Variants in BARX2 observed in about 807,000 individuals in gnomAD.
BARX2 encodes the protein homeobox protein BarH-like 2.
In BARX2, 11 loss-of-function variants were observed where a neutral mutation model predicts 25.5. The ratio of observed to expected loss-of-function variants is 0.43; its 90% CI spans 0.27 to 0.71. The LOEUF is 0.71. BARX2 is among the 30% of genes least tolerant of loss of function. The pLI is 0.19. For synonymous variants in BARX2, 137 were observed against 149.5 expected (o/e 0.92, Z 0.61); for missense variants, 360 against 359.9 (o/e 1.00, Z 0.00).
At chr11:129,375,361 G>A (rs892755996), upstream of BARX2, among the ~76,000 whole-genome samples, 9 of 152,202 alleles carry the variant, frequency 5.9e-5, no homozygotes, top group Non-Finnish European at 1.3e-4. The surrounding 1 kb of genome is among the most constrained non-coding windows in gnomAD (Gnocchi z 4.0). Flanking sequence ...GAAGTCCCGG[G>A]AGCCTAGTGA....
chr11:129,434,485 G>C (rs1862167183), intron 1 of BARX2, among the ~76,000 whole-genome samples: 1 of 139,018 alleles, frequency 7.2e-6, no homozygotes, highest in African/African-American at 2.7e-5. Context: ...GGCTGGTCTT[G>C]AACTGCTGGC....
At chr11:129,383,207 G>A (rs1861586016) in intron 1 of BARX2, among the ~76,000 whole-genome samples, 1 of 152,138 alleles carries the variant, frequency 6.6e-6, no homozygotes, top group South Asian at 2.1e-4. Flanking sequence ...GTAACAGTTA[G>A]AAGAAGGAAA....
At chr11:129,422,307 C>A (rs1335768169) in intron 1 of BARX2, among the ~76,000 whole-genome samples, 1 of 152,042 alleles carries the variant, frequency 6.6e-6, no homozygotes, top group African/African-American at 2.4e-5. Context: ...CTTCCTTTTC[C>A]TTTTTTTAGA....
At chr11:129,387,078 A>T (rs963125813) in intron 1 of BARX2, among the ~76,000 whole-genome samples, 4 of 152,204 alleles carry the variant, frequency 2.6e-5, no homozygotes, top group African/African-American at 9.7e-5. Context: ...GGGTTACGGG[A>T]CAAAGTCCTT....
chr11:129,376,255 C>A lies in BARX2; in HGVS notation c.187+33C>A. ...GCTCCGCTAGGGGATAAGTGGGGTT[C>A]GGTAGCTTTCACGTCCGTGTAGGTG... On this transcript the variant is annotated intron_variant, in intron 1 of 3. Transcript: ENST00000281437. This position sits in a 1 kb window ranked among gnomAD's most constrained non-coding sequence, Gnocchi z 4.2. The A allele has an allele frequency of 6.4e-7, 1 of 1,566,954 alleles. No individual in the cohort carries two copies. The highest frequency in any genetic ancestry group is 1.2e-5 in the South Asian group (1 of 86,428).
chr11:129,426,712 C>G (rs1289721719), intron 1 of BARX2, among the ~76,000 whole-genome samples: 1 of 152,150 alleles, frequency 6.6e-6, no homozygotes, highest in East Asian at 1.9e-4. Flanking sequence ...GGCTTTGGTT[C>G]TGTCTTGTGA....
chr11:129,399,973 G>A (rs1472243756), intron 1 of BARX2, among the ~76,000 whole-genome samples: 1 of 152,128 alleles, frequency 6.6e-6, no homozygotes, highest in Non-Finnish European at 1.5e-5. Context: ...TCTGAGCCCT[G>A]CCTCTGGCCT....
chr11:129,388,845 T>C (rs1861640610), intron 1 of BARX2, among the ~76,000 whole-genome samples: 1 of 152,230 alleles, frequency 6.6e-6, no homozygotes, highest in Non-Finnish European at 1.5e-5. Context: ...AGTGGAGTAA[T>C]CCTACTGTTG....
rs769372208 is a variant in BARX2, at chr11:129,376,204, C to T, written c.169C>T (p.Pro57Ser). 3.1e-6 allele frequency: 5 copies of T among 1,607,586 alleles called. No individual in the cohort carries two copies. In the African/African-American group the frequency reaches 6.7e-5, roughly 22 times the overall value. ...CCCGTCGCTGGTCGTGCGACCCAAG[C>T]CCCTGCATTCCTGTACGGGTAAGAC... ...VCPSLVVRPK[P>S]LHSCTGSPSL... Residue 57 changes from proline (P) to serine (S), a missense_variant, in exon 1 of 4, where the codon CCC (proline) becomes TCC (serine). Physicochemically the swap from Pro to Ser is moderately conservative, Grantham distance 74 (BLOSUM62 -1). Transcript: ENST00000281437. The surrounding 1 kb of genome is among the most constrained non-coding windows in gnomAD (Gnocchi z 4.2).
chr11:129,437,496 G>T (rs1051461589), intron 2 of BARX2: 18 of 988,588 alleles, frequency 1.8e-5, no homozygotes, highest in Non-Finnish European at 2.0e-5. Flanking sequence ...TTGCTGGCCT[G>T]GCTATTGCTT....
chr11:129,440,209 C>CGGTG (rs1565522327), intron 2 of BARX2, among the ~76,000 whole-genome samples: 1 of 152,176 alleles, frequency 6.6e-6, no homozygotes, highest in Admixed American at 6.5e-5. Flanking sequence ...GAATTTGTAA[C>CGGTG]GGTGGCAGGT....
intron 1 of BARX2, among the ~76,000 whole-genome samples, chr11:129,435,802 T>C (rs778002112): frequency 2.7e-4 from 41 of 152,216 alleles, no homozygotes; most frequent in Non-Finnish European, 5.4e-4. Context: ...GAAAAGCTCT[T>C]TACTTGAACT....
chr11:129,399,506 A>C (rs942102911), intron 1 of BARX2, among the ~76,000 whole-genome samples: 5 of 152,140 alleles, frequency 3.3e-5, no homozygotes, highest in Admixed American at 6.5e-5. Context: ...GGATTGACAC[A>C]GGACAGGTGA....
At chr11:129,426,096 A>T (rs1166642657) in intron 1 of BARX2, among the ~76,000 whole-genome samples, 2 of 150,300 alleles carry the variant, frequency 1.3e-5, no homozygotes, top group African/African-American at 4.9e-5. Flanking sequence ...TGTTTTCTTC[A>T]GTCACACAAA....
At chr11:129,413,627 A>G (rs1861912282) in intron 1 of BARX2, among the ~76,000 whole-genome samples, 1 of 152,064 alleles carries the variant, frequency 6.6e-6, no homozygotes, top group Non-Finnish European at 1.5e-5. Context: ...AGATAGGGGA[A>G]CCAGGTAAAA....
intron 1 of BARX2, among the ~76,000 whole-genome samples, chr11:129,399,476 C>G (rs1452973938): frequency 6.6e-6 from 1 of 152,168 alleles, no homozygotes. Flanking sequence ...ATCCTCCTGT[C>G]TCAGCCTCTC....
At chr11:129,430,125 C>T (rs922792008) in intron 1 of BARX2, among the ~76,000 whole-genome samples, 3 of 152,090 alleles carry the variant, frequency 2.0e-5, no homozygotes, top group Non-Finnish European at 2.9e-5. Context: ...GGGATATTCC[C>T]GGAATTCTGC....
Position 129,422,579 on chromosome 11 carries a change from G to A in BARX2, c.188-14172G>A, listed in dbSNP as rs534438548. Among the ~76,000 whole-genome samples, 257 of 151,436 alleles carry A rather than the reference G, an allele frequency of 1.7e-3. 2 individuals carry two copies. The highest frequency in any genetic ancestry group is 3.0e-3 in the Non-Finnish European group (201 of 67,746). ...CTCCCAAAGTGCTGGGATTACAGGC[G>A]TGAGCCATCGTGTCCAGCCAGGACA... is the stretch of plus-strand genomic sequence containing the variant. On this transcript the variant is annotated intron_variant, in intron 1 of 3. Transcript: ENST00000281437.
intron 1 of BARX2, among the ~76,000 whole-genome samples, chr11:129,412,634 G>A (rs1288121597): frequency 1.3e-5 from 2 of 152,292 alleles, no homozygotes; most frequent in East Asian, 1.9e-4. Context: ...GGAAGAGGGC[G>A]GTAACTTCTG....
Sources: gnomAD v4.1 joint callset for allele counts (sites outside exome capture counted in the v4.1 genomes callset) on GRCh38, gnomAD v4.1.1 for gene constraint, Gnocchi (gnomAD v3.1) non-coding constraint, MANE v1.5 for transcripts, NCBI Gene and HGNC (gene_info 2026-07-23, HGNC 2026-07-21) for gene names.